SERPINA9: variants seen among roughly 807,000 people sequenced by gnomAD.
The protein encoded by SERPINA9 is serpin family A member 9.
Under a neutral mutation model 24.5 loss-of-function variants are expected in SERPINA9, and 32 were observed. That is an observed-to-expected ratio of 1.30 (90% CI 0.98 to 1.75). The LOEUF is 1.75. Ranked by LOEUF, SERPINA9 falls within the 40% of genes most tolerant of loss-of-function variation. The pLI, the probability that SERPINA9 is intolerant of heterozygous loss-of-function variation, is 0.00. For missense variants in SERPINA9, 594 were observed against 497.1 expected, an observed-to-expected ratio of 1.19 and a Z score of -1.85; for synonymous variants, 233 against 197.7, an observed-to-expected ratio of 1.18 and a Z score of -1.50.
At chr14:94,475,453 C>CACACACTGAGCAG (rs1899556823) in intron 1 of SERPINA9, among the ~76,000 whole-genome samples, 1 of 152,062 alleles carries the variant, frequency 6.6e-6, no homozygotes, top group African/African-American at 2.4e-5. Context: ...CACACACACA[C>CACACACTGAGCAG]ACACACACAC....
rs760629091 is a variant in SERPINA9, at chr14:94,469,730, C to T, written c.111G>A (p.Lys37=). 1.3e-6 allele frequency: 2 copies of T among 1,589,672 alleles called. No individual in the cohort carries two copies. The highest frequency in any genetic ancestry group is 1.7e-6 in the Non-Finnish European group (2 of 1,166,118). The change falls in exon 2 of 5, where the codon AAG becomes AAA. Residue 37 remains lysine, a synonymous_variant. Transcript: ENST00000674397. ...AATACACCTGTGAGGCAGGGGTGCT[C>T]TTTGTGGAGGAAGGGCGGGGGTATG... is the stretch of plus-strand genomic sequence containing the variant. ...PSAYPRPSST[K]STPASQVYSL...
chr14:94,469,503 C>G lies in SERPINA9; in HGVS notation c.338G>C (p.Gly113Ala), dbSNP rs1378051469. The G allele has an allele frequency of 6.2e-7, 1 of 1,614,140 alleles. No homozygotes were observed. Among genetic ancestry groups the G allele is most frequent in the African/African-American group, 1.3e-5 (1 of 75,040 alleles). Residue 113 changes from glycine to alanine, a missense_variant, in exon 2 of 5, where the codon GGC (glycine) becomes GCC (alanine). By Grantham distance (60) the Gly-to-Ala change is moderately conservative. Transcript: ENST00000674397. ...THTPESAIHQ[G>A]FQHLVHSLTV... ...CAGTGAGTGAACCAGGTGCTGGAAG[C>G]CCTGGTGGATGGCAGACTCTGGTGT...
At position 94,476,143 on chromosome 14, in the gene SERPINA9, G is replaced by A. The variant is rs1899640407; in HGVS notation, c.-25C>T. On this transcript the variant is annotated 5_prime_UTR_variant, in exon 1 of 5. Transcript: ENST00000674397. ...CACCTCCTCCTTACCCACCTTTGCA[G>A]GTTCCTCTTCTCCTGCCCTGTCCTT... 6.2e-7 allele frequency: 1 copy of A among 1,614,110 alleles called. No homozygotes were observed. Among genetic ancestry groups the A allele is most frequent in the Non-Finnish European group, 8.5e-7 (1 of 1,180,034 alleles).
chr14:94,464,780 C>T lies in SERPINA9; in HGVS notation c.977G>A (p.Gly326Asp), dbSNP rs756338732. ...YNLETILPKMGIQNVFDKNAD... is the reference protein window; with the variant it reads ...YNLETILPKMDIQNVFDKNAD... ...ATTTTTGTCAAAGACATTTTGGATG[C>T]CCATCTTCGGGAGGATGGTTTCCAG... Residue 326 changes from glycine (G) to aspartate (D), a missense_variant, in exon 4 of 5, where the codon GGC (glycine) becomes GAC (aspartate). Physicochemically the swap from Gly to Asp is moderately conservative, Grantham distance 94. Transcript: ENST00000674397. 1 of 1,612,344 alleles carries T rather than the reference C, an allele frequency of 6.2e-7. No homozygotes were observed. Among genetic ancestry groups the T allele is most frequent in the Admixed American group, 1.7e-5 (1 of 60,000 alleles).
rs1899043943 is a variant in SERPINA9, at chr14:94,467,190, G to A, written c.821C>T (p.Pro274Leu). ...KGDAVAFFVL[P>L]SKGKMRQLEQ... The stretch of plus-strand genomic sequence containing the variant: ...CAGTTGCCTCATCTTGCCCTTGCTA[G>A]GGAGGACAAAGAAGGCCACGGCATC... The change falls in exon 3 of 5, where the codon CCT (proline) becomes CTT (leucine). Residue 274 changes from proline (P) to leucine (L), a missense_variant. By Grantham distance (98) the Pro-to-Leu change is moderately conservative. Transcript: ENST00000674397. 3 of 1,614,076 alleles carry A rather than the reference G, an allele frequency of 1.9e-6. No homozygotes were observed. Among genetic ancestry groups the A allele is most frequent in the Admixed American group, 1.7e-5 (1 of 60,008 alleles).
At chr14:94,466,880 A>G (rs947442369) in intron 3 of SERPINA9, among the ~76,000 whole-genome samples, 1 of 152,182 alleles carries the variant, frequency 6.6e-6, no homozygotes, top group African/African-American at 2.4e-5. Context: ...TACCCCTTGG[A>G]GCCTCCATTT....
At chr14:94,464,348 C>A in intron 4 of SERPINA9, 1 of 295,782 alleles carries the variant, frequency 3.4e-6, no homozygotes, top group Non-Finnish European at 6.2e-6. Flanking sequence ...GACAACACAT[C>A]TACAGGGTGC....
At chr14:94,472,492 A>G (rs544996417) in intron 1 of SERPINA9, among the ~76,000 whole-genome samples, 1 of 152,310 alleles carries the variant, frequency 6.6e-6, no homozygotes, top group Admixed American at 6.5e-5. Flanking sequence ...ATCACTGACC[A>G]CACGCGTGCC....
intron 1 of SERPINA9, among the ~76,000 whole-genome samples, chr14:94,475,510 T>C: frequency 6.6e-6 from 1 of 152,104 alleles, no homozygotes; most frequent in East Asian, 1.9e-4. Context: ...AGAGATCCTA[T>C]GAAAAGGAAT....
chr14:94,464,689 T>C lies in SERPINA9; in HGVS notation c.1050+18A>G. 1 of 1,602,638 alleles carries C rather than the reference T, an allele frequency of 6.2e-7. No homozygotes were observed. The highest frequency in any genetic ancestry group is 8.5e-7 in the Non-Finnish European group (1 of 1,173,700). On this transcript the variant is annotated intron_variant, in intron 4 of 4. Coordinates refer to ENST00000674397, the MANE Select transcript of SERPINA9 (RefSeq NM_175739.4). The stretch of plus-strand genomic sequence containing the variant: ...CTTCCAGCTTGGACTTTTTTGCAAA[T>C]ATTTTCATTCAACTCACTTTAGAAA...
At chr14:94,471,080 T>C (rs1441406006) in intron 1 of SERPINA9, among the ~76,000 whole-genome samples, 1 of 147,914 alleles carries the variant, frequency 6.8e-6, no homozygotes, top group Admixed American at 6.8e-5. Flanking sequence ...TTTTATAATT[T>C]CCCCCCCATG....
At chr14:94,468,795 C>T (rs1477147096) in intron 2 of SERPINA9, among the ~76,000 whole-genome samples, 3 of 152,214 alleles carry the variant, frequency 2.0e-5, no homozygotes, top group Non-Finnish European at 4.4e-5. Context: ...TACATTTCTA[C>T]ACCTATGAAA....
At chr14:94,464,547 A>G (rs1390292630) in intron 4 of SERPINA9, 160 bp downstream of exon 4, 1 of 616,398 alleles carries the variant, frequency 1.6e-6, no homozygotes. Flanking sequence ...TGCCAGAGGG[A>G]TGGTGGCCAT....
At chr14:94,475,666 A>C (rs1566797576) in intron 1 of SERPINA9, among the ~76,000 whole-genome samples, 1 of 152,008 alleles carries the variant, frequency 6.6e-6, no homozygotes. Context: ...GGCCTTAGAA[A>C]GTATCTCTTC....
chr14:94,476,074 G>A (rs759114878), intron 1 of SERPINA9, 62 bp downstream of exon 1: 3 of 1,613,006 alleles, frequency 1.9e-6, no homozygotes, highest in Non-Finnish European at 2.5e-6. Flanking sequence ...CTCTGATCCA[G>A]TCCTTCCCTC....
chr14:94,475,022 C>T (rs558103626), intron 1 of SERPINA9, among the ~76,000 whole-genome samples: 1 of 152,300 alleles, frequency 6.6e-6, no homozygotes, highest in South Asian at 2.1e-4. Context: ...GAGGACCCAG[C>T]TGTTTGCATT....
At chr14:94,468,014 G>A (rs1358512615) in intron 2 of SERPINA9, among the ~76,000 whole-genome samples, 2 of 150,096 alleles carry the variant, frequency 1.3e-5, no homozygotes, top group Non-Finnish European at 3.0e-5. Context: ...AAGGGTGGAG[G>A]GATGAACAGG....
intron 3 of SERPINA9, 46 bp from the exon 4 acceptor site, chr14:94,464,900 G>A (rs937224255): frequency 1.3e-6 from 2 of 1,538,556 alleles, no homozygotes; most frequent in Admixed American, 1.9e-5. Flanking sequence ...AGCCCATGGT[G>A]TCTGCATCTC....
chr14:94,473,034 G>T (rs923166579), intron 1 of SERPINA9, among the ~76,000 whole-genome samples: 2 of 152,168 alleles, frequency 1.3e-5, no homozygotes, highest in African/African-American at 2.4e-5. Flanking sequence ...CCCACTGGGG[G>T]ATGGCTGCAG....
Sources: allele counts gnomAD v4.1 joint callset (sites outside exome capture counted in the v4.1 genomes callset), GRCh38; gene constraint gnomAD v4.1.1; transcripts MANE v1.5; gene names NCBI Gene and HGNC (gene_info 2026-07-23, HGNC 2026-07-21).